The following PDE6B variants were observed in gnomAD, a reference collection of about 807,000 sequenced individuals.
PDE6B encodes rod cGMP-specific 3',5'-cyclic phosphodiesterase subunit beta.
Under a neutral mutation model 109.0 loss-of-function variants are expected in PDE6B, and 106 were observed. That is an observed-to-expected ratio of 0.97 (90% confidence interval 0.83 to 1.14). The LOEUF (loss-of-function observed/expected upper bound fraction) is 1.14. PDE6B is among the 50% of genes most tolerant of loss of function. The pLI, the probability that PDE6B is intolerant of heterozygous loss-of-function variation, is 0.00. For missense variants in PDE6B, 1,193 were observed against 1,155.6 expected, an observed-to-expected ratio of 1.03 and a Z score of -0.47; for synonymous variants, 490 against 471.3, an observed-to-expected ratio of 1.04 and a Z score of -0.51.
rs1320189389 is a variant in PDE6B, at chr4:665,291, G to C, written c.2230G>C (p.Gly744Arg). 1 of 1,613,010 alleles carries C rather than the reference G, an allele frequency of 6.2e-7. No individual in the cohort carries two copies. The highest frequency in any genetic ancestry group is 8.5e-7 in the Non-Finnish European group (1 of 1,179,672). Residue 744 changes from glycine (G) to arginine (R), a missense_variant, in exon 19 of 22, where the codon GGT (glycine) becomes CGT (arginine). Physicochemically the swap from Gly to Arg is moderately radical, Grantham distance 125 (BLOSUM62 -2). Transcript: ENST00000496514. This position sits in a 1 kb window ranked among gnomAD's most constrained non-coding sequence, Gnocchi z 4.0. ...LLVAAEFWEQ[G>R]DLERTVLDQQ... ...CGTGGCTGCTGAGTTCTGGGAGCAA[G>C]GTGACTTGGAAAGGACAGTCTTGGA...
chr4:639,400 C>T (rs191761426), intron 3 of PDE6B, among the ~76,000 whole-genome samples: 1 of 152,180 alleles, frequency 6.6e-6, no homozygotes, highest in East Asian at 1.9e-4. Context: ...GTCCACAGTT[C>T]ACAGGAGGCA....
chr4:670,233 ATTT>A lies in PDE6B; in HGVS notation c.*128_*130del. 5 of 1,179,232 alleles carry A rather than the reference ATTT, an allele frequency of 4.2e-6. No homozygotes were observed. The highest frequency in any genetic ancestry group is 5.5e-5 in the East Asian group (2 of 36,298). 73.0% of individuals were successfully genotyped at this position (1,179,232 alleles called of 1,614,324 possible). A position where few individuals can be genotyped will look rare whatever the true frequency, so the allele number is the denominator to read the frequency against. ...AAAATGACTGAAGATCATTCTGGAT[ATTT>A]TAATTTTTTTTTTTTTTTTTTTTTG... On this transcript the variant is annotated 3_prime_UTR_variant, in exon 22 of 22. Transcript: ENST00000496514.
At chr4:630,305 C>T (rs1181950438) in intron 1 of PDE6B, among the ~76,000 whole-genome samples, 1 of 152,056 alleles carries the variant, frequency 6.6e-6, no homozygotes, top group Non-Finnish European at 1.5e-5. Flanking sequence ...GCTGCTGGGC[C>T]ACGAGGGGCA....
rs1736020119 is a variant in PDE6B, at chr4:654,872, G to A, written c.976G>A (p.Glu326Lys). 1 of 1,554,970 alleles carries A rather than the reference G, an allele frequency of 6.4e-7. No homozygotes were observed. Among genetic ancestry groups the A allele is most frequent in the Non-Finnish European group, 8.9e-7 (1 of 1,126,136 alleles). Reference sequence around the variant, plus strand: ...CGACTACGTCCTCCACGGCAAGGAGGAGATCAAGGTCATTCCGTAAGTGCA... The same window carrying A: ...CGACTACGTCCTCCACGGCAAGGAGAAGATCAAGGTCATTCCGTAAGTGCA... ...VIDYVLHGKE[E>K]IKVIPTPSAD... is the part of the protein sequence containing the mutation. Residue 326 changes from glutamate to lysine, a missense_variant, in exon 6 of 22, where the codon GAG becomes AAG. Glu to Lys is a moderately conservative substitution (Grantham distance 56). Coordinates refer to ENST00000496514, the MANE Select transcript of PDE6B (RefSeq NM_000283.4).
chr4:645,864 C>G (rs1033922836), intron 3 of PDE6B, among the ~76,000 whole-genome samples: 5 of 152,036 alleles, frequency 3.3e-5, no homozygotes, highest in Admixed American at 3.3e-4. Context: ...TAGCATTATA[C>G]TGCTTCACTT....
At chr4:659,626 GCACATGTGTA>G (rs1736810911) in intron 11 of PDE6B, among the ~76,000 whole-genome samples, 1 of 148,656 alleles carries the variant, frequency 6.7e-6, no homozygotes, top group Non-Finnish European at 1.5e-5. Flanking sequence ...GTATGAATGT[GCACATGTGTA>G]CACATGTGTG....
chr4:634,593 C>T (rs1469100544), intron 1 of PDE6B, 84 bp from the exon 2 acceptor site: 1 of 1,149,478 alleles, frequency 8.7e-7, no homozygotes, highest in Admixed American at 1.7e-5. Flanking sequence ...GCAGCCCCCA[C>T]AGAGCTTGAC....
chr4:655,177 C>T (rs1295360035), intron 6 of PDE6B: 34 of 504,204 alleles, frequency 6.7e-5, no homozygotes, highest in Non-Finnish European at 1.1e-5. Flanking sequence ...GCAAGCTGTC[C>T]AGGCGGCCTC....
chr4:628,600 G>A (rs1334400904), intron 1 of PDE6B, among the ~76,000 whole-genome samples: 11 of 152,216 alleles, frequency 7.2e-5, no homozygotes, highest in East Asian at 3.9e-4. Flanking sequence ...CGGGTAACCC[G>A]CTCCTCCCTG....
At chr4:660,092 C>T (rs35894204) in intron 11 of PDE6B, among the ~76,000 whole-genome samples, 3,060 of 152,248 alleles carry the variant, frequency 0.02, 39 homozygotes, top group Middle Eastern at 0.031. Flanking sequence ...TGTGTCCACA[C>T]CGGTGCCTTT....
intron 5 of PDE6B, 172 bp from the exon 6 acceptor site, chr4:654,652 G>C: frequency 2.8e-6 from 2 of 714,318 alleles, no homozygotes; most frequent in Non-Finnish European, 5.2e-6. Flanking sequence ...CGCATTCGTA[G>C]AATACCTGCG....
chr4:665,308 A>G lies in PDE6B; in HGVS notation c.2247A>G (p.Thr749=). ...GGGAGCAAGGTGACTTGGAAAGGACAGTCTTGGATCAGCAGCCCATTGTGA... is the reference window on the plus strand; with the variant it reads ...GGGAGCAAGGTGACTTGGAAAGGACGGTCTTGGATCAGCAGCCCATTGTGA... ...EFWEQGDLER[T]VLDQQPIPMM... is the part of the protein sequence containing the mutation. Residue 749 remains threonine (T), a synonymous_variant, in exon 19 of 22, where the codon ACA becomes ACG. Transcript: ENST00000496514. This position sits in a 1 kb window ranked among gnomAD's most constrained non-coding sequence, Gnocchi z 4.0. 1 of 1,612,316 alleles carries G rather than the reference A, an allele frequency of 6.2e-7. No homozygotes were observed. The highest frequency in any genetic ancestry group is 8.5e-7 in the Non-Finnish European group (1 of 1,179,142).
At chr4:651,830 C>T (rs953812808) in intron 3 of PDE6B, 6 of 152,994 alleles carry the variant, frequency 3.9e-5, no homozygotes, top group Middle Eastern at 3.1e-3. Context: ...TGTTCTGGAC[C>T]CACTAACTCC....
chr4:651,706 C>G (rs547855534), intron 3 of PDE6B: 1 of 149,844 alleles, frequency 6.7e-6, no homozygotes, highest in South Asian at 2.1e-4. Context: ...TATGAAGAGC[C>G]GTCTCCATTC....
intron 1 of PDE6B, among the ~76,000 whole-genome samples, chr4:634,097 T>C (rs903521477): frequency 4.6e-5 from 7 of 151,712 alleles, no homozygotes; most frequent in Non-Finnish European, 1.0e-4. Flanking sequence ...AGTGTGTGCC[T>C]GGGAGGCCAG....
At chr4:647,573 T>C (rs1735264781) in intron 3 of PDE6B, among the ~76,000 whole-genome samples, 1 of 152,052 alleles carries the variant, frequency 6.6e-6, no homozygotes, top group Non-Finnish European at 1.5e-5. Flanking sequence ...GCGAGGGCTC[T>C]CTCCCTGGCT....
At chr4:659,749 CA>C (rs1560128785) in intron 11 of PDE6B, among the ~76,000 whole-genome samples, 2 of 150,598 alleles carry the variant, frequency 1.3e-5, no homozygotes, top group African/African-American at 2.4e-5. Flanking sequence ...CACATGTGCA[CA>C]GGGGGTGTGT....
chr4:640,400 A>C (rs1002025902), intron 3 of PDE6B, among the ~76,000 whole-genome samples: 1 of 152,188 alleles, frequency 6.6e-6, no homozygotes, highest in East Asian at 1.9e-4. Flanking sequence ...TTAGCCAGGC[A>C]TGGTGGCGGG....
chr4:650,355 C>G (rs1577262902), intron 3 of PDE6B, among the ~76,000 whole-genome samples: 1 of 152,204 alleles, frequency 6.6e-6, no homozygotes. Flanking sequence ...GGTGTCCGGC[C>G]CCCCCTGTCC....
Sources: gnomAD v4.1 joint callset for allele counts (sites outside exome capture counted in the v4.1 genomes callset) on GRCh38, gnomAD v4.1.1 for gene constraint, Gnocchi (gnomAD v3.1) non-coding constraint, MANE v1.5 for transcripts, NCBI Gene and HGNC (gene_info 2026-07-23, HGNC 2026-07-21) for gene names.